AGRN: variants seen among roughly 807,000 people sequenced by gnomAD.
AGRN encodes the protein agrin, also known as agrin proteoglycan.
A neutral mutation model predicts 211.0 loss-of-function variants in AGRN; 106 were observed. The ratio of observed to expected loss-of-function variants is 0.50; its 90% CI spans 0.43 to 0.59. AGRN has a LOEUF of 0.59. AGRN is among the 20% of genes least tolerant of loss of function. The pLI is 0.00. For missense variants in AGRN, 3,040 were observed against 2,982.6 expected (o/e 1.02, Z -0.45); for synonymous variants, 1,525 against 1,332.5 (o/e 1.14, Z -3.15).
chr1:1,043,570 T>C lies in AGRN; in HGVS notation c.1636T>C (p.Cys546Arg), dbSNP rs1312141722. ...CGGGCAGTGCCGCTTTGGAGCCCTG[T>C]GCGAGGCCGAGACCGGGCGCTGCGT... The part of the protein sequence containing the change: ...RCGQCRFGAL[C>R]EAETGRCVCP... The change falls in exon 9 of 36, where the codon TGC becomes CGC. Residue 546 changes from cysteine (C) to arginine (R), a missense_variant. Physicochemically the swap from Cys to Arg is radical, Grantham distance 180 (BLOSUM62 -3). Transcript: ENST00000379370. 2.5e-6 allele frequency: 4 copies of C among 1,605,154 alleles called. No individual in the cohort carries two copies. The highest frequency in any genetic ancestry group is 3.4e-6 in the Non-Finnish European group (4 of 1,179,808).
At chr1:1,025,838 G>C (rs1282342345) in intron 2 of AGRN, among the ~76,000 whole-genome samples, 2 of 152,112 alleles carry the variant, frequency 1.3e-5, no homozygotes, top group Non-Finnish European at 2.9e-5. Flanking sequence ...CCTGGAGCTG[G>C]GAGGGGGGTC....
Position 1,049,815 on chromosome 1 carries a change from G to T in AGRN, c.4744+20G>T, listed in dbSNP as rs765171221. 1.9e-6 allele frequency: 3 copies of T among 1,606,754 alleles called. No individual in the cohort carries two copies. The highest frequency in any genetic ancestry group is 1.7e-6 in the Non-Finnish European group (2 of 1,177,254). Reference sequence around the variant, plus strand: ...GCGTCGGTGAGGGTGGGGCCGGGGCGGGTGGGAGTGGGACCCCGGGGCCTG... The same window carrying T: ...GCGTCGGTGAGGGTGGGGCCGGGGCTGGTGGGAGTGGGACCCCGGGGCCTG... On this transcript the variant is annotated intron_variant, in intron 26 of 35. Coordinates refer to ENST00000379370, the MANE Select transcript of AGRN (RefSeq NM_198576.4).
chr1:1,045,577 C>T (rs529722858), intron 14 of AGRN, 54 bp downstream of exon 14: 10 of 1,599,680 alleles, frequency 6.3e-6, no homozygotes. Flanking sequence ...ACCTGTTCAC[C>T]CCCATCACTG....
rs528019046 is a variant in AGRN, at chr1:1,055,609, C to T, written c.*628C>T. On this transcript the variant is annotated 3_prime_UTR_variant, in exon 36 of 36. Transcript: ENST00000379370. Reference sequence around the variant, plus strand: ...CCTGCCCAGCCACCCTGGACGTGACCGTATCCCTCTGCCACACCCCAGGCC... The same window carrying T: ...CCTGCCCAGCCACCCTGGACGTGACTGTATCCCTCTGCCACACCCCAGGCC... 7 of 172,962 alleles carry T rather than the reference C, an allele frequency of 4.0e-5. No individual in the cohort carries two copies. The highest frequency in any genetic ancestry group is 2.7e-4 in the Admixed American group (5 of 18,276). 10.7% of individuals were successfully genotyped at this position (172,962 alleles called of 1,614,324 possible).
chr1:1,045,693 C>T (rs1203282641), intron 14 of AGRN, 40 bp from the exon 15 acceptor site: 3 of 1,612,978 alleles, frequency 1.9e-6, no homozygotes, highest in Non-Finnish European at 1.7e-6. Context: ...GAAGCCCGTC[C>T]AGGTGCGGAC....
At chr1:1,038,108 C>A (rs1644844795) in intron 3 of AGRN, among the ~76,000 whole-genome samples, 1 of 152,134 alleles carries the variant, frequency 6.6e-6, no homozygotes, top group Non-Finnish European at 1.5e-5. Flanking sequence ...AGGGAGGGAC[C>A]AGCACTGTGA....
chr1:1,051,308 A>C lies in AGRN; in HGVS notation c.5309A>C (p.Asp1770Ala). The C allele has an allele frequency of 6.4e-7, 1 of 1,571,710 alleles. No homozygotes were observed. The highest frequency in any genetic ancestry group is 8.6e-7 in the Non-Finnish European group (1 of 1,159,440). The change falls in exon 31 of 36, where the codon GAC becomes GCC. Residue 1770 changes from aspartate to alanine, a missense_variant. By Grantham distance (126) the Asp-to-Ala change is moderately radical (BLOSUM62 -2). Coordinates refer to ENST00000379370, the MANE Select transcript of AGRN (RefSeq NM_198576.4). ...CCGCTCTACGTAGGGGGCGCTCCCG[A>C]CTTCAGCAAGCTGGCCCGTGCTGCT... is the stretch of plus-strand genomic sequence containing the variant. ...KEPLYVGGAPDFSKLARAAAV... is the reference protein window; with the variant it reads ...KEPLYVGGAPAFSKLARAAAV...
rs367790694 is a variant in AGRN at position 1,051,790 on chromosome 1, G to A, written c.5626G>A (p.Glu1876Lys). 73 of 1,613,656 alleles carry A rather than the reference G, an allele frequency of 4.5e-5. No individual in the cohort carries two copies. Among genetic ancestry groups the A allele is most frequent in the African/African-American group, 5.3e-5 (4 of 74,934 alleles). ...GGCCTTTGACGGGCGGACCTTTGTCGAGTACCTCAACGCTGTGACCGAGAG... is the reference window on the plus strand; with the variant it reads ...GGCCTTTGACGGGCGGACCTTTGTCAAGTACCTCAACGCTGTGACCGAGAG... ...TLAFDGRTFV[E>K]YLNAVTESEK... Residue 1876 changes from glutamate to lysine, a missense_variant, in exon 33 of 36, where the codon GAG becomes AAG. Physicochemically the swap from Glu to Lys is moderately conservative, Grantham distance 56 (BLOSUM62 1). This residue lies in a region of AGRN where 1,537 missense variants were observed against 1,505.0 expected (regional missense o/e 1.02). Coordinates refer to ENST00000379370, the MANE Select transcript of AGRN (RefSeq NM_198576.4).
In AGRN at chr1:1,046,024, A is replaced by T; in HGVS notation, c.2741A>T (p.Glu914Val). The T allele has an allele frequency of 6.2e-7, 1 of 1,613,952 alleles. No individual in the cohort carries two copies. The highest frequency in any genetic ancestry group is 8.5e-7 in the Non-Finnish European group (1 of 1,180,008). ...MRCEFGARCV[E>V]ESGSAHCVCP... ...TGTGAGTTCGGTGCGCGGTGCGTGG[A>T]GGAGTCTGGCTCAGCCCACTGTGTC... Residue 914 changes from glutamate to valine, a missense_variant, in exon 16 of 36, where the codon GAG becomes GTG. Physicochemically the swap from Glu to Val is moderately radical, Grantham distance 121. Around this residue, in one of 3 missense-constraint regions of AGRN, gnomAD observed 1,498 missense variants for 1,457.8 expected, o/e 1.03. Transcript: ENST00000379370.
Position 1,041,567 on chromosome 1 carries a change from A to G in AGRN, c.1042A>G (p.Ser348Gly). ...RRPEMLLRPE[S>G]CPARQAPVCG... ...CCCTGAGATGCTCCTACGGCCCGAG[A>G]GCTGCCCTGCCCGGCAGGCGCCAGT... The change falls in exon 6 of 36, where the codon AGC becomes GGC. Residue 348 changes from serine to glycine, a missense_variant. Ser to Gly is a moderately conservative substitution (Grantham distance 56, BLOSUM62 0). Around this residue, in one of 3 missense-constraint regions of AGRN, gnomAD observed 1,498 missense variants for 1,457.8 expected, o/e 1.03. Transcript: ENST00000379370. The G allele has an allele frequency of 6.2e-7, 1 of 1,609,762 alleles. No individual in the cohort carries two copies. Among genetic ancestry groups the G allele is most frequent in the Non-Finnish European group, 8.5e-7 (1 of 1,179,286 alleles).
chr1:1,027,890 C>T (rs1464324568), intron 2 of AGRN, among the ~76,000 whole-genome samples: 1 of 152,184 alleles, frequency 6.6e-6, no homozygotes, highest in Admixed American at 6.5e-5. Context: ...CAAGCCCCTG[C>T]GTGTCCGCAG....
chr1:1,024,478 G>A (rs963000787), intron 2 of AGRN, among the ~76,000 whole-genome samples: 4 of 152,020 alleles, frequency 2.6e-5, no homozygotes, highest in Non-Finnish European at 5.9e-5. Flanking sequence ...CACCTCCCAG[G>A]GCACAGGATG....
rs754384811 is a variant in AGRN at position 1,022,346 on chromosome 1, T to C, written c.347T>C (p.Phe116Ser). The part of the protein sequence containing the change: ...QVSTGDTRIF[F>S]VNPAPPYLWP... ...TCCACTGGGGACACCAGGATCTTCT[T>C]TGTGAACCCTGCACCCCCATACCTG... The change falls in exon 2 of 36, where the codon TTT becomes TCT. Residue 116 changes from phenylalanine (F) to serine (S), a missense_variant. Around this residue, in one of 3 missense-constraint regions of AGRN, gnomAD observed 1,498 missense variants for 1,457.8 expected, o/e 1.03. Transcript: ENST00000379370. 6.2e-7 allele frequency: 1 copy of C among 1,613,326 alleles called. No homozygotes were observed. The highest frequency in any genetic ancestry group is 8.5e-7 in the Non-Finnish European group (1 of 1,179,996).
chr1:1,025,660 C>A (rs1251650520), intron 2 of AGRN, among the ~76,000 whole-genome samples: 1 of 152,166 alleles, frequency 6.6e-6, no homozygotes, highest in Non-Finnish European at 1.5e-5. Flanking sequence ...CTGGCCCTCC[C>A]CCAGGCAGGT....
intron 33 of AGRN, 44 bp from the exon 34 acceptor site, chr1:1,053,709 G>T (rs745357033): frequency 6.5e-6 from 10 of 1,547,562 alleles, no homozygotes; most frequent in Non-Finnish European, 2.6e-6. Context: ...ACCCTGTCCT[G>T]TTGCCACCTT....
Position 1,046,486 on chromosome 1 carries a change from C to T in AGRN, c.3001C>T (p.Pro1001Ser), listed in dbSNP as rs752212460. The T allele has an allele frequency of 2.3e-5, 37 of 1,610,654 alleles. No individual in the cohort carries two copies. Among genetic ancestry groups the T allele is most frequent in the Non-Finnish European group, 2.7e-5 (32 of 1,178,738 alleles). Residue 1001 changes from proline to serine, a missense_variant, in exon 18 of 36, where the codon CCC becomes TCC. This residue lies in a region of AGRN where 1,537 missense variants were observed against 1,505.0 expected (regional missense o/e 1.02). Transcript: ENST00000379370. ...CCTGAGCCAGGCACTGCCGGCCCCC[C>T]CCGGCGCCCTCCCCCTGGCTCCCAG... Reference protein sequence around the residue: ...LLLSQALPAPPGALPLAPSST... With the variant: ...LLLSQALPAPSGALPLAPSST...
Position 1,049,046 on chromosome 1 carries a change from C to G in AGRN, c.4285C>G (p.Arg1429Gly), listed in dbSNP as rs201346452. Residue 1429 changes from arginine to glycine, a missense_variant, in exon 24 of 36, where the codon CGC (arginine) becomes GGC (glycine). Physicochemically the swap from Arg to Gly is moderately radical, Grantham distance 125. Around this residue, in one of 3 missense-constraint regions of AGRN, gnomAD observed 1,537 missense variants for 1,505.0 expected, o/e 1.02. Coordinates refer to ENST00000379370, the MANE Select transcript of AGRN (RefSeq NM_198576.4). Reference protein sequence around the residue: ...DFLALALLDGRVQLRFDTGSG... With the variant: ...DFLALALLDGGVQLRFDTGSG... ...CCTGGCATTGGCGCTGCTAGATGGC[C>G]GCGTGCAGCTCAGGTGGGCGGGGAG... The G allele has an allele frequency of 6.4e-7, 1 of 1,555,720 alleles. No homozygotes were observed. Among genetic ancestry groups the G allele is most frequent in the Non-Finnish European group, 8.7e-7 (1 of 1,153,574 alleles).
Position 1,053,753 on chromosome 1 carries a change from C to T in AGRN, c.5652C>T (p.Ser1884=), listed in dbSNP as rs777830736. ...CCCTGACCTGCCCTCTGCCCTCCAG[C>T]GAGAAGGCACTGCAGAGCAACCACT... ...FVEYLNAVTE[S]EKALQSNHFE... Residue 1884 remains serine, a splice_region_variant and synonymous_variant, in exon 34 of 36, where the codon AGC becomes AGT. Coordinates refer to ENST00000379370, the MANE Select transcript of AGRN (RefSeq NM_198576.4). 11 of 1,599,260 alleles carry T rather than the reference C, an allele frequency of 6.9e-6. No homozygotes were observed. The East Asian group carries it at 1.1e-4, about 16-fold the overall frequency.
At position 1,049,567 on chromosome 1, in the gene AGRN, G is replaced by A. The variant is rs200182409; in HGVS notation, c.4516G>A (p.Ala1506Thr). 166 of 1,589,846 alleles carry A rather than the reference G, an allele frequency of 1.0e-4. No homozygotes were observed. In the East Asian group the frequency reaches 3.3e-3, roughly 32 times the overall value. Residue 1506 changes from alanine (A) to threonine (T), a missense_variant and splice_region_variant, in exon 26 of 36, where the codon GCG becomes ACG. Coordinates refer to ENST00000379370, the MANE Select transcript of AGRN (RefSeq NM_198576.4). ...GGVPEDQAAV[A>T]LERTFVGAGL... ...ACCCGGTGTCCCTCCTGGTGGCAGG[G>A]CGCTGGAGCGGACCTTCGTGGGCGC...
Sources: gnomAD v4.1 joint callset for allele counts (sites outside exome capture counted in the v4.1 genomes callset) on GRCh38, gnomAD v4.1.1 for gene constraint, gnomAD v4.1.1 regional missense constraint, MANE v1.5 for transcripts, NCBI Gene and HGNC (gene_info 2026-07-23, HGNC 2026-07-21) for gene names.